KCNIP4: variants seen among roughly 807,000 people sequenced by gnomAD.
The protein encoded by KCNIP4 is Kv channel-interacting protein 4.
In KCNIP4, 12 loss-of-function variants were observed where a neutral mutation model predicts 34.0. The ratio of observed to expected loss-of-function variants is 0.35; its 90% CI spans 0.23 to 0.57. The LOEUF is 0.57. Among genes scored for constraint, KCNIP4 ranks in the 20% least tolerant of loss-of-function variants. The pLI, the probability that KCNIP4 is intolerant of heterozygous loss-of-function variation, is 0.83. For missense variants in KCNIP4, 238 were observed against 311.7 expected (o/e 0.76, Z 1.78); for synonymous variants, 124 against 102.2 (o/e 1.21, Z -1.29).
intron 1 of KCNIP4, among the ~76,000 whole-genome samples, chr4:21,741,207 T>C (rs1230411887): frequency 3.9e-5 from 6 of 152,226 alleles, no homozygotes; most frequent in Non-Finnish European, 8.8e-5. Context: ...TTTCATTTAC[T>C]GGGAAAAGAG....
At chr4:21,925,241 A>G (rs1479498823) in intron 1 of KCNIP4, among the ~76,000 whole-genome samples, 1 of 94,972 alleles carries the variant, frequency 1.1e-5, no homozygotes, top group Non-Finnish European at 2.0e-5. Flanking sequence ...CCCTCCCCCC[A>G]CCCCACAACA....
At chr4:20,787,608 CTT>C in intron 3 of KCNIP4, among the ~76,000 whole-genome samples, 1 of 152,114 alleles carries the variant, frequency 6.6e-6, no homozygotes, top group East Asian at 1.9e-4. Flanking sequence ...TAGTATAAGA[CTT>C]ATGTAATGAT....
At chr4:20,972,752 G>A (rs1560612764) in intron 1 of KCNIP4, among the ~76,000 whole-genome samples, 1 of 152,128 alleles carries the variant, frequency 6.6e-6, no homozygotes, top group African/African-American at 2.4e-5. Flanking sequence ...ACCCGAGCAA[G>A]TTGCCTGATT....
At chr4:21,207,538 G>C (rs150540125) in intron 1 of KCNIP4, among the ~76,000 whole-genome samples, 5 of 152,216 alleles carry the variant, frequency 3.3e-5, no homozygotes, top group African/African-American at 1.2e-4. Context: ...AGTAGTCTTA[G>C]GCTAGCTAAC....
intron 1 of KCNIP4, among the ~76,000 whole-genome samples, chr4:21,608,147 A>G (rs1318109617): frequency 1.3e-5 from 2 of 151,978 alleles, no homozygotes; most frequent in Non-Finnish European, 2.9e-5. Flanking sequence ...TTCCCTTTCT[A>G]TTCCCTCTGT....
rs150368179 is a variant in KCNIP4, at chr4:21,610,138, G to A, written c.61+338433C>T. Among the ~76,000 whole-genome samples, 590 of 152,316 alleles carry A rather than the reference G, an allele frequency of 3.9e-3. 9 individuals carry two copies. The highest frequency in any genetic ancestry group is 0.013 in the African/African-American group (549 of 41,576). Reference sequence around the variant, plus strand: ...CAGGTTATAACAGGTCATGCCCTTCGGGCAATTTATAAGCTTGCTATGGCT... The same window carrying A: ...CAGGTTATAACAGGTCATGCCCTTCAGGCAATTTATAAGCTTGCTATGGCT... On this transcript the variant is annotated intron_variant, in intron 1 of 8. Coordinates refer to ENST00000382152, the MANE Select transcript of KCNIP4 (RefSeq NM_025221.6).
intron 1 of KCNIP4, among the ~76,000 whole-genome samples, chr4:20,920,452 A>G (rs1729282971): frequency 6.6e-6 from 1 of 152,238 alleles, no homozygotes; most frequent in African/African-American, 2.4e-5. Flanking sequence ...CAGACACATT[A>G]TGAACATTCT....
At chr4:21,046,794 C>T (rs28474902) in intron 1 of KCNIP4, among the ~76,000 whole-genome samples, 25,222 of 152,030 alleles carry the variant, frequency 0.17, 2,158 homozygotes, top group East Asian at 0.24. Flanking sequence ...TTTCTCCATG[C>T]TGGTTGGGCT....
At chr4:20,969,347 C>G (rs1560609940) in intron 1 of KCNIP4, among the ~76,000 whole-genome samples, 1 of 152,138 alleles carries the variant, frequency 6.6e-6, no homozygotes, top group East Asian at 1.9e-4. Flanking sequence ...CATTAGCATT[C>G]CAGCCCTAAG....
chr4:21,099,541 T>C (rs371633119), intron 1 of KCNIP4, among the ~76,000 whole-genome samples: 2 of 152,094 alleles, frequency 1.3e-5, no homozygotes, highest in Non-Finnish European at 2.9e-5. Flanking sequence ...GGTTGATCTG[T>C]GCAGCAAACC....
At position 21,417,002 on chromosome 4, in the gene KCNIP4, A is replaced by G. The variant is rs186348832; in HGVS notation, c.61+531569T>C. 2.8e-3 allele frequency among the ~76,000 whole-genome samples: 420 copies of G among 152,290 alleles called. 2 individuals are homozygous for G. Among genetic ancestry groups the G allele is most frequent in the African/African-American group, 9.2e-3 (384 of 41,556 alleles). On this transcript the variant is annotated intron_variant, in intron 1 of 8. Coordinates refer to ENST00000382152, the MANE Select transcript of KCNIP4 (RefSeq NM_025221.6). ...CTCTTAAAGATAAATAAATGAAATC[A>G]TATTTGCTGTTTCAAAGTGTTTGCC...
intron 1 of KCNIP4, chr4:21,848,687 C>A (rs1426366325): frequency 1.3e-5 from 2 of 152,088 alleles, no homozygotes; most frequent in Non-Finnish European, 2.9e-5. Context: ...GGTTCTTGAT[C>A]ATCACCGCAG....
At chr4:21,199,028 C>T (rs1756271123) in intron 1 of KCNIP4, among the ~76,000 whole-genome samples, 1 of 152,074 alleles carries the variant, frequency 6.6e-6, no homozygotes, top group Admixed American at 6.6e-5. Context: ...TGACACTGAT[C>T]TGGTGCTGTC....
At position 21,653,992 on chromosome 4, in the gene KCNIP4, C is replaced by T. The variant is rs181610187; in HGVS notation, c.61+294579G>A. On this transcript the variant is annotated intron_variant, in intron 1 of 8. Transcript: ENST00000382152. ...GTTTCTATTAATACTAGAAAGTACT[C>T]GAGTTAATTTCAACAAACAAATCTC... Among the ~76,000 whole-genome samples the T allele has an allele frequency of 6.8e-4, 104 of 152,246 alleles. 1 individual carries two copies. Among genetic ancestry groups the T allele is most frequent in the Middle Eastern group, 3.4e-3 (1 of 294 alleles).
chr4:21,876,542 G>A (rs2109375205), intron 1 of KCNIP4, among the ~76,000 whole-genome samples: 1 of 152,110 alleles, frequency 6.6e-6, no homozygotes, highest in South Asian at 2.1e-4. Context: ...AAGACTAAGT[G>A]GAAAGAAAAC....
At chr4:21,205,096 C>G (rs977698399) in intron 1 of KCNIP4, among the ~76,000 whole-genome samples, 1 of 152,118 alleles carries the variant, frequency 6.6e-6, no homozygotes, top group African/African-American at 2.4e-5. Context: ...CAAGAATGCA[C>G]GGAGGAATAA....
In KCNIP4 at chr4:20,729,788, T is replaced by G. The variant is rs776664466; in HGVS notation, c.*294A>C. The G allele has an allele frequency of 3.5e-6, 1 of 283,674 alleles. No homozygotes were observed. The highest frequency in any genetic ancestry group is 6.5e-6 in the Non-Finnish European group (1 of 153,416). 17.6% of individuals were successfully genotyped at this position (283,674 alleles called of 1,614,324 possible). On this transcript the variant is annotated 3_prime_UTR_variant, in exon 9 of 9. Transcript: ENST00000382152. ...CACTGATATGTGAAAGCCTCAATAA[T>G]CCCATGGCTAAGGAACCAATAAAAC... is the stretch of plus-strand genomic sequence containing the variant.
At chr4:21,638,495 TTA>T (rs1746385525) in intron 1 of KCNIP4, among the ~76,000 whole-genome samples, 2 of 152,168 alleles carry the variant, frequency 1.3e-5, no homozygotes, top group South Asian at 4.1e-4. Context: ...TCAAATATTT[TTA>T]TGTTTTTTAT....
At chr4:21,037,509 T>A (rs2149773403) in intron 1 of KCNIP4, among the ~76,000 whole-genome samples, 1 of 152,384 alleles carries the variant, frequency 6.6e-6, no homozygotes, top group Non-Finnish European at 1.5e-5. Flanking sequence ...CAATGGGCTA[T>A]ATCATATAGC....
Sources: gnomAD v4.1 joint callset for allele counts (sites outside exome capture counted in the v4.1 genomes callset) on GRCh38, gnomAD v4.1.1 for gene constraint, MANE v1.5 for transcripts, NCBI Gene and HGNC (gene_info 2026-07-23, HGNC 2026-07-21) for gene names.